Variants in CFAP65 observed in about 807,000 individuals in gnomAD.
CFAP65 encodes the protein cilia and flagella associated protein 65.
Under a neutral mutation model 208.0 loss-of-function variants are expected in CFAP65, and 155 were observed. The ratio of observed to expected loss-of-function variants is 0.75; its 90% CI spans 0.65 to 0.85. CFAP65 has a LOEUF of 0.85. Among genes scored for constraint, CFAP65 ranks in the 40% least tolerant of loss-of-function variants. The pLI, the probability that CFAP65 is intolerant of heterozygous loss-of-function variation, is 0.00. For missense variants in CFAP65, 2,294 were observed against 2,451.3 expected (o/e 0.94, Z 1.36); for synonymous variants, 970 against 986.3 (o/e 0.98, Z 0.31).
chr2:219,022,468 G>T, intron 16 of CFAP65, 139 bp from the exon 17 acceptor site: 1 of 904,636 alleles, frequency 1.1e-6, no homozygotes, highest in Non-Finnish European at 1.7e-6. Context: ...ATTGTACACG[G>T]CACATGTATG....
In CFAP65 at chr2:219,003,987, C is replaced by T. The variant is rs770134961; in HGVS notation, c.5520G>A (p.Glu1840=). 1.2e-6 allele frequency: 2 copies of T among 1,613,856 alleles called. No individual in the cohort carries two copies. The highest frequency in any genetic ancestry group is 2.7e-5 in the African/African-American group (2 of 74,916). ...CCTCCTTCTCGTCCTGTTCTTGCTC[C>T]TCCTTCACCATGACATTCAGCTGCT... ...WQQQLNVMVK[E]EQEQDEKEAI... is the part of the protein sequence containing the mutation. Residue 1840 remains glutamate, a synonymous_variant, in exon 33 of 35, where the codon GAG becomes GAA. Coordinates refer to ENST00000341552, the MANE Select transcript of CFAP65 (RefSeq NM_194302.4). This position sits in a 1 kb window ranked among gnomAD's most constrained non-coding sequence, Gnocchi z 4.4.
chr2:219,014,255 G>A (rs1365326300), intron 21 of CFAP65: 2 of 426,980 alleles, frequency 4.7e-6, no homozygotes, highest in Non-Finnish European at 4.1e-6. Flanking sequence ...AACAGACTCT[G>A]GGCCACGGCG....
In CFAP65 at chr2:219,031,650, G is replaced by A. The variant is rs200371446; in HGVS notation, c.654C>T (p.Tyr218=). The part of the protein sequence containing the change: ...IVFRPLEAKE[Y]MDQLWFEKAE... Reference sequence around the variant, plus strand: ...CTTTCTCAAACCACAGCTGGTCCATGTACTCCTTCTGCAGTGTGAGGCGGG... The same window carrying A: ...CTTTCTCAAACCACAGCTGGTCCATATACTCCTTCTGCAGTGTGAGGCGGG... The change falls in exon 7 of 35, where the codon TAC becomes TAT. Residue 218 remains tyrosine, a synonymous_variant. Coordinates refer to ENST00000341552, the MANE Select transcript of CFAP65 (RefSeq NM_194302.4). The surrounding 1 kb of genome is among the most constrained non-coding windows in gnomAD (Gnocchi z 5.2). The A allele has an allele frequency of 8.7e-6, 14 of 1,609,000 alleles. No individual in the cohort carries two copies. The highest frequency in any genetic ancestry group is 6.7e-5 in the East Asian group (3 of 44,840).
At position 219,021,833 on chromosome 2, in the gene CFAP65, T is replaced by C; in HGVS notation, c.3077A>G (p.Tyr1026Cys). 6.2e-7 allele frequency: 1 copy of C among 1,613,396 alleles called. No homozygotes were observed. The highest frequency in any genetic ancestry group is 1.1e-5 in the South Asian group (1 of 91,052). Residue 1026 changes from tyrosine to cysteine, a missense_variant, in exon 18 of 35, where the codon TAC becomes TGC. Tyr to Cys is a radical substitution (Grantham distance 194, BLOSUM62 -2). Coordinates refer to ENST00000341552, the MANE Select transcript of CFAP65 (RefSeq NM_194302.4). The part of the protein sequence containing the change: ...LLNDGNCTLY[Y>C]RLYLEQGSPE... ...GCTGCCCTGCTCCAGGTAGAGGCGG[T>C]AATAGAGGGTGCAGTTGCCGTCATT... is the stretch of plus-strand genomic sequence containing the variant.
rs1948135085 is a variant in CFAP65, at chr2:219,032,805, T to C, written c.543-233A>G. 1.3e-5 allele frequency among the ~76,000 whole-genome samples: 2 copies of C among 151,068 alleles called. No individual in the cohort carries two copies. The highest frequency in any genetic ancestry group is 4.9e-5 in the African/African-American group (2 of 40,998). On this transcript the variant is annotated intron_variant, in intron 5 of 34. Coordinates refer to ENST00000341552, the MANE Select transcript of CFAP65 (RefSeq NM_194302.4). The surrounding 1 kb of genome is among the most constrained non-coding windows in gnomAD (Gnocchi z 5.5). ...ATCTTCACTCTGAACAAAAGGGGAG[T>C]AGTGTTTGTACCTCTGATGAGCATG...
chr2:219,028,695 C>T (rs966435737), intron 11 of CFAP65, among the ~76,000 whole-genome samples: 4 of 152,156 alleles, frequency 2.6e-5, no homozygotes, highest in African/African-American at 9.7e-5. Context: ...ACTGCCAGCC[C>T]AGAGGCCTGC....
rs1574513939 is a variant in CFAP65, at chr2:219,006,386, G to T, written c.4719+79C>A. ...CTCCTTTCTGGGAGTCTGGTCCAGG[G>T]GTTGGAGGTCTCTCTGGGAGCAAGC... On this transcript the variant is annotated intron_variant, in intron 30 of 34. Transcript: ENST00000341552. The T allele has an allele frequency of 3.2e-6, 5 of 1,559,860 alleles. No individual in the cohort carries two copies. In the East Asian group the frequency reaches 1.1e-4, roughly 35 times the overall value.
chr2:219,026,972 G>GA, intron 13 of CFAP65: 1 of 988,770 alleles, frequency 1.0e-6, no homozygotes, highest in Middle Eastern at 5.2e-4. Context: ...AGGACTCAGA[G>GA]ACATTAAGGA....
Position 219,031,781 on chromosome 2 carries a change from G to T in CFAP65, c.646-123C>A. Reference sequence around the variant, plus strand: ...GGGAGGGCCAGGCCGTGGCACCCACGTCAGACTCTGAGGGGAGCTGGGCAC... The same window carrying T: ...GGGAGGGCCAGGCCGTGGCACCCACTTCAGACTCTGAGGGGAGCTGGGCAC... On this transcript the variant is annotated intron_variant, in intron 6 of 34. Coordinates refer to ENST00000341552, the MANE Select transcript of CFAP65 (RefSeq NM_194302.4). This position sits in a 1 kb window ranked among gnomAD's most constrained non-coding sequence, Gnocchi z 5.2. 1 of 1,160,190 alleles carries T rather than the reference G, an allele frequency of 8.6e-7. No individual in the cohort carries two copies. The highest frequency in any genetic ancestry group is 1.2e-6 in the Non-Finnish European group (1 of 824,850). The allele number at this position is 1,160,190 out of a possible 1,614,324, so 71.9% of individuals were successfully genotyped here.
At position 219,040,542 on chromosome 2, in the gene CFAP65, A is replaced by G; in HGVS notation, c.-26T>C. On this transcript the variant is annotated 5_prime_UTR_variant, in exon 2 of 35. It removes the in-frame stop codon of an upstream open reading frame in the 5' UTR. Transcript: ENST00000341552. ...ACCTCCAATTGTGAACTGGACGTTC[A>G]GATGAAATCAAAGAAATGTAAGCTG... The G allele has an allele frequency of 6.5e-7, 1 of 1,541,750 alleles. No individual in the cohort carries two copies. The highest frequency in any genetic ancestry group is 8.8e-7 in the Non-Finnish European group (1 of 1,138,098).
chr2:219,026,541 C>T (rs936122676), intron 13 of CFAP65: 6 of 174,302 alleles, frequency 3.4e-5, no homozygotes, highest in Admixed American at 1.2e-4. Context: ...AAGTAAAACA[C>T]GTGAAGTTAA....
intron 21 of CFAP65, 98 bp downstream of exon 21, chr2:219,018,953 A>G: frequency 6.6e-7 from 1 of 1,526,424 alleles, no homozygotes; most frequent in South Asian, 1.2e-5. Context: ...GACAGCAAGC[A>G]GCCAGGCCAC....
In CFAP65 at chr2:219,030,227, G is replaced by A; in HGVS notation, c.1162-19C>T. The A allele has an allele frequency of 1.2e-6, 2 of 1,608,580 alleles. No homozygotes were observed. Among genetic ancestry groups the A allele is most frequent in the Non-Finnish European group, 1.7e-6 (2 of 1,175,118 alleles). On this transcript the variant is annotated intron_variant, in intron 9 of 34. Transcript: ENST00000341552. ...CATTTACCTGTGTGGCCAAGCAGAA[G>A]GACAAAGGGTCAGGTCACAGAGCAG...
At chr2:219,025,030 A>G (rs1190014933) in intron 14 of CFAP65, among the ~76,000 whole-genome samples, 1 of 152,016 alleles carries the variant, frequency 6.6e-6, no homozygotes, top group African/African-American at 2.4e-5. Context: ...AGCTCCCAAC[A>G]CTCTTCAGGT....
intron 24 of CFAP65, among the ~76,000 whole-genome samples, chr2:219,011,888 A>G (rs988722011): frequency 2.0e-5 from 3 of 152,228 alleles, no homozygotes; most frequent in Non-Finnish European, 2.9e-5. Flanking sequence ...CACAAAATCC[A>G]TATGTTGAAA....
chr2:219,011,272 T>G (rs1946462153), intron 24 of CFAP65, among the ~76,000 whole-genome samples: 1 of 119,558 alleles, frequency 8.4e-6, no homozygotes, highest in Non-Finnish European at 1.7e-5. Flanking sequence ...TTTTCTTTCT[T>G]TTTTTTTTTT....
rs1427040501 is a variant in CFAP65 at position 219,004,219 on chromosome 2, C to T, written c.5288G>A (p.Gly1763Glu). The T allele has an allele frequency of 1.2e-6, 2 of 1,613,858 alleles. No homozygotes were observed. The highest frequency in any genetic ancestry group is 2.2e-5 in the East Asian group (1 of 44,892). Residue 1763 changes from glycine to glutamate, a missense_variant, in exon 33 of 35, where the codon GGG (glycine) becomes GAG (glutamate). By Grantham distance (98) the Gly-to-Glu change is moderately conservative. Around this residue, in one of 2 missense-constraint regions of CFAP65, gnomAD observed 1,427 missense variants for 1,438.7 expected, o/e 0.99. Transcript: ENST00000341552. This position sits in a 1 kb window ranked among gnomAD's most constrained non-coding sequence, Gnocchi z 4.7. The stretch of plus-strand genomic sequence containing the variant: ...TTCCTCTTCACCCTTCTCCTCCTCC[C>T]CCTCTTCCTTCTTTCCCAACCCTGG... ...HYPGLGKKEEGEEEKGEEEEE... is the reference protein window; with the variant it reads ...HYPGLGKKEEEEEEKGEEEEE...
intron 14 of CFAP65, 58 bp from the exon 15 acceptor site, chr2:219,024,318 C>G (rs2106190147): frequency 6.4e-7 from 1 of 1,556,196 alleles, no homozygotes; most frequent in East Asian, 2.3e-5. Flanking sequence ...CTGGGACACA[C>G]ACTCAGGGCC....
intron 2 of CFAP65, 96 bp from the exon 3 acceptor site, chr2:219,039,146 C>T (rs1242999402): frequency 7.3e-6 from 8 of 1,101,090 alleles, no homozygotes; most frequent in East Asian, 2.4e-5. Context: ...ATATGTGGCA[C>T]ATATATTTGT....
Sources: allele counts gnomAD v4.1 joint callset (sites outside exome capture counted in the v4.1 genomes callset), GRCh38; gene constraint gnomAD v4.1.1; regional missense constraint gnomAD v4.1.1; non-coding constraint Gnocchi (gnomAD v3.1); transcripts MANE v1.5; gene names NCBI Gene and HGNC (gene_info 2026-07-23, HGNC 2026-07-21).